DNAJC7: variants seen among roughly 807,000 people sequenced by gnomAD.
DNAJC7 encodes the protein DnaJ heat shock protein family (Hsp40) member C7.
A neutral mutation model predicts 67.4 loss-of-function variants in DNAJC7; 18 were observed. The ratio of observed to expected loss-of-function variants is 0.27; its 90% CI spans 0.18 to 0.40. DNAJC7 has a LOEUF of 0.40. Ranked by LOEUF, DNAJC7 falls within the 10% of genes least tolerant of loss-of-function variation. The pLI is 1.00. For synonymous variants in DNAJC7, 220 were observed against 207.8 expected, an observed-to-expected ratio of 1.06 and a Z score of -0.50; for missense variants, 419 against 613.8, an observed-to-expected ratio of 0.68 and a Z score of 3.35.
chr17:42,013,193 C>T (rs1328201123), intron 1 of DNAJC7: 1 of 152,212 alleles, frequency 6.6e-6, no homozygotes, highest in Non-Finnish European at 1.5e-5. Flanking sequence ...TCATTTTGGC[C>T]TCACAAAGTG....
chr17:41,993,758 C>T (rs1555648129), intron 5 of DNAJC7, among the ~76,000 whole-genome samples: 1 of 152,100 alleles, frequency 6.6e-6, no homozygotes, highest in Admixed American at 6.5e-5. Context: ...GAACTTTTGG[C>T]CGGGGAGGTG....
intron 1 of DNAJC7, among the ~76,000 whole-genome samples, chr17:42,010,726 A>G (rs111406080): frequency 3.9e-5 from 6 of 152,162 alleles, no homozygotes; most frequent in African/African-American, 1.4e-4. Flanking sequence ...TGCCCCTCAC[A>G]CTCTCTCCAA....
chr17:42,006,796 C>CAAAAAAAAA (rs57155070), intron 1 of DNAJC7, among the ~76,000 whole-genome samples: 662 of 23,326 alleles, frequency 0.028, 272 homozygotes, highest in East Asian at 0.046. Flanking sequence ...GACTCCGTCT[C>CAAAAAAAAA]AAAAAAAAAA....
intron 1 of DNAJC7, 66 bp from the exon 2 acceptor site, chr17:42,000,636 G>C: frequency 7.8e-7 from 1 of 1,285,050 alleles, no homozygotes; most frequent in Non-Finnish European, 1.1e-6. Context: ...AATCTTACAG[G>C]AGGAATCTTT....
chr17:41,997,041 T>C (rs1438497268), intron 3 of DNAJC7, 74 bp downstream of exon 3: 8 of 1,602,818 alleles, frequency 5.0e-6, no homozygotes, highest in Admixed American at 1.7e-5. Context: ...AGTGTCAAGG[T>C]TGAGAAATAC....
In DNAJC7 at chr17:41,989,491, G is replaced by A. The variant is rs782348244; in HGVS notation, c.666C>T (p.Tyr222=). Residue 222 remains tyrosine, a synonymous_variant, in exon 7 of 14, where the codon TAC becomes TAT. Coordinates refer to ENST00000457167, the MANE Select transcript of DNAJC7 (RefSeq NM_003315.4). The stretch of plus-strand genomic sequence containing the variant: ...GAACTGCCTTCTCAATACAATCTTC[G>A]TAATAAAGGCAAAGACCTCGTACAT... The part of the protein sequence containing the change: ...ALYVRGLCLY[Y]EDCIEKAVQF... The A allele has an allele frequency of 1.2e-6, 2 of 1,613,988 alleles. No individual in the cohort carries two copies. The highest frequency in any genetic ancestry group is 1.1e-5 in the South Asian group (1 of 91,086).
At chr17:41,992,531 GCTAA>G (rs1173704371) in intron 5 of DNAJC7, 7 of 152,122 alleles carry the variant, frequency 4.6e-5, no homozygotes, top group Non-Finnish European at 8.8e-5. Flanking sequence ...GTAGAGTTGT[GCTAA>G]CTGTCCTGCC....
At chr17:42,001,960 G>GT (rs548729903) in intron 1 of DNAJC7, among the ~76,000 whole-genome samples, 1 of 152,176 alleles carries the variant, frequency 6.6e-6, no homozygotes, top group African/African-American at 2.4e-5. Flanking sequence ...ATCTGCTTGA[G>GT]TAACTGTCTA....
chr17:41,997,715 C>CT (rs2051699463), intron 2 of DNAJC7, among the ~76,000 whole-genome samples: 2 of 152,196 alleles, frequency 1.3e-5, no homozygotes, highest in Non-Finnish European at 2.9e-5. Context: ...GGGTCTCACT[C>CT]TGTTGCACAG....
chr17:41,986,239 G>A (rs1361803188), intron 9 of DNAJC7, among the ~76,000 whole-genome samples: 9 of 151,692 alleles, frequency 5.9e-5, no homozygotes, highest in East Asian at 3.9e-4. Context: ...GGTGACATGC[G>A]CCGGTAATCT....
chr17:42,001,356 A>G (rs1275739949), intron 1 of DNAJC7, among the ~76,000 whole-genome samples: 2 of 152,064 alleles, frequency 1.3e-5, no homozygotes, highest in African/African-American at 4.8e-5. Context: ...TCTAAGATCT[A>G]TTTTTTGAAA....
At chr17:42,017,187 A>AG in intron 1 of DNAJC7, 153 bp downstream of exon 1, 1 of 1,563,036 alleles carries the variant, frequency 6.4e-7, no homozygotes. Context: ...GCGCCCCTTC[A>AG]GGGGGTCCAT....
At chr17:41,995,944 A>T (rs1447027206) in intron 4 of DNAJC7, among the ~76,000 whole-genome samples, 2 of 152,222 alleles carry the variant, frequency 1.3e-5, no homozygotes, top group Non-Finnish European at 2.9e-5. Flanking sequence ...CTGGGAGCAC[A>T]GGTAGGTGCA....
chr17:42,017,198 C>G, intron 1 of DNAJC7, 142 bp downstream of exon 1: 1 of 1,581,488 alleles, frequency 6.3e-7, no homozygotes, highest in Non-Finnish European at 8.5e-7. Context: ...GGGGGTCCAT[C>G]CGGCCTTGAT....
rs530789091 is a variant in DNAJC7 at position 41,979,616 on chromosome 17, G to A, written c.1384+2239C>T. Among the ~76,000 whole-genome samples, 4 of 127,560 alleles carry A rather than the reference G, an allele frequency of 3.1e-5. No individual in the cohort carries two copies. The East Asian group carries it at 8.1e-4, about 26-fold the overall frequency. 83.7% of individuals were successfully genotyped at this position (127,560 alleles called of 152,430 possible). A position where few individuals can be genotyped will look rare whatever the true frequency, so the allele number is the denominator to read the frequency against. ...GAACCCTGGAGGCAGAGGTTGCAGT[G>A]AGCCAAGATGGCACTACTGCACCCA... On this transcript the variant is annotated intron_variant, in intron 12 of 13. Transcript: ENST00000457167.
chr17:41,988,668 C>T, intron 8 of DNAJC7, 64 bp downstream of exon 8: 3 of 1,508,686 alleles, frequency 2.0e-6, no homozygotes, highest in Non-Finnish European at 2.6e-6. Flanking sequence ...GCAGATTTCC[C>T]AAGACCCTTT....
chr17:41,983,010 C>T (rs1276956435), intron 10 of DNAJC7, among the ~76,000 whole-genome samples: 1 of 151,734 alleles, frequency 6.6e-6, no homozygotes, highest in Non-Finnish European at 1.5e-5. Flanking sequence ...GACTTAGGTT[C>T]CTCACTTTAG....
In DNAJC7 at chr17:42,000,537, T is replaced by C; in HGVS notation, c.111A>G (p.Ala37=). Residue 37 remains alanine, a synonymous_variant, in exon 2 of 14, where the codon GCA becomes GCG. Transcript: ENST00000457167. ...EAETFKEQGN[A]YYAKKDYNEA... is the part of the protein sequence containing the mutation. Reference sequence around the variant, plus strand: ...CATTGTAATCTTTCTTGGCATAGTATGCATTTCCTTGTTCCTTGAAAGTCT... The same window carrying C: ...CATTGTAATCTTTCTTGGCATAGTACGCATTTCCTTGTTCCTTGAAAGTCT... 6.2e-7 allele frequency: 1 copy of C among 1,612,272 alleles called. No homozygotes were observed.
intron 1 of DNAJC7, chr17:42,015,643 G>C (rs933258488): frequency 2.6e-5 from 4 of 151,128 alleles, no homozygotes; most frequent in Admixed American, 2.0e-4. Flanking sequence ...AGGAGATCGA[G>C]ACCATCGTGG....
Sources: allele counts gnomAD v4.1 joint callset (sites outside exome capture counted in the v4.1 genomes callset), GRCh38; gene constraint gnomAD v4.1.1; transcripts MANE v1.5; gene names NCBI Gene and HGNC (gene_info 2026-07-23, HGNC 2026-07-21).